Variants in GALNT18 observed in about 807,000 individuals in gnomAD.
GALNT18 encodes the protein polypeptide N-acetylgalactosaminyltransferase 18, also known as GalNAc-transferase 18.
GALNT18 carries 44 observed loss-of-function variants against 69.5 expected under a neutral mutation model. The ratio of observed to expected loss-of-function variants is 0.63; its 90% CI spans 0.50 to 0.81. The LOEUF (loss-of-function observed/expected upper bound fraction) is 0.81. GALNT18 is among the 40% of genes least tolerant of loss of function. The probability of loss-of-function intolerance (pLI) is 0.00; values close to 1 mark genes in which losing one functional copy is unlikely to be tolerated. For missense variants in GALNT18, 715 were observed against 810.0 expected (o/e 0.88, Z 1.42); for synonymous variants, 364 against 318.2 (o/e 1.14, Z -1.53).
chr11:11,301,609 T>C (rs1462968604), intron 9 of GALNT18, among the ~76,000 whole-genome samples: 1 of 152,240 alleles, frequency 6.6e-6, no homozygotes, highest in Non-Finnish European at 1.5e-5. Context: ...GGGCTTCCTC[T>C]GTGAACCCAT....
intron 9 of GALNT18, among the ~76,000 whole-genome samples, chr11:11,313,043 C>A (rs995045352): frequency 2.0e-5 from 3 of 152,056 alleles, no homozygotes; most frequent in African/African-American, 4.8e-5. Flanking sequence ...AGTAAGGACA[C>A]CTTAGATAGG....
chr11:11,425,577 G>A (rs1251508239), intron 3 of GALNT18, among the ~76,000 whole-genome samples: 2 of 152,180 alleles, frequency 1.3e-5, no homozygotes, highest in Non-Finnish European at 2.9e-5. Context: ...GAGGACAGGA[G>A]TTCAAAAAGG....
intron 1 of GALNT18, among the ~76,000 whole-genome samples, chr11:11,458,088 TG>T (rs1855962968): frequency 6.6e-6 from 1 of 152,270 alleles, no homozygotes; most frequent in East Asian, 1.9e-4. Context: ...CAGAGTGCAC[TG>T]GGGACCCCTT....
At chr11:11,610,936 T>C (rs1342304584) in intron 1 of GALNT18, among the ~76,000 whole-genome samples, 3 of 152,190 alleles carry the variant, frequency 2.0e-5, no homozygotes, top group Non-Finnish European at 4.4e-5. Flanking sequence ...CTTTGAGGCA[T>C]GAACCATATA....
chr11:11,521,767 C>A (rs1447373265), intron 1 of GALNT18, among the ~76,000 whole-genome samples: 1 of 152,106 alleles, frequency 6.6e-6, no homozygotes, highest in African/African-American at 2.4e-5. Context: ...GTGACTCAGG[C>A]GAGCCCACTC....
chr11:11,341,348 T>C lies in GALNT18; in HGVS notation c.1093-344A>G, dbSNP rs887540597. Reference sequence around the variant, plus strand: ...TTCTCCTTGCACTTGGGGGAGAAGTTAACAAAACCCTTGATGATAGTCTGC... The same window carrying C: ...TTCTCCTTGCACTTGGGGGAGAAGTCAACAAAACCCTTGATGATAGTCTGC... On this transcript the variant is annotated intron_variant, in intron 6 of 10. Transcript: ENST00000227756. This position sits in a 1 kb window ranked among gnomAD's most constrained non-coding sequence, Gnocchi z 6.3. Among the ~76,000 whole-genome samples, 1 of 152,084 alleles carries C rather than the reference T, an allele frequency of 6.6e-6. No homozygotes were observed. Among genetic ancestry groups the C allele is most frequent in the Non-Finnish European group, 1.5e-5 (1 of 68,022 alleles).
In GALNT18 at chr11:11,356,955, G is replaced by A. The variant is rs558007192; in HGVS notation, c.1092+15560C>T. Among the ~76,000 whole-genome samples the A allele has an allele frequency of 6.6e-6, 1 of 152,252 alleles. No individual in the cohort carries two copies. The highest frequency in any genetic ancestry group is 2.1e-4 in the South Asian group (1 of 4,808). ...TCAGCTGCTGGTTTGTAATTGCAAA[G>A]AGTCACTCCACGGCTGGCTGGTGTG... On this transcript the variant is annotated intron_variant, in intron 6 of 10. Transcript: ENST00000227756. The surrounding 1 kb of genome is among the most constrained non-coding windows in gnomAD (Gnocchi z 4.4).
rs953276333 is a variant in GALNT18, at chr11:11,290,979, C to T, written c.1677+2050G>A. On this transcript the variant is annotated intron_variant, in intron 10 of 10. Coordinates refer to ENST00000227756, the MANE Select transcript of GALNT18 (RefSeq NM_198516.3). ...CTACAAGCCTACTTTGCACCCAGCTCGACTTGAGAAACAACAGCCATCCTT... is the reference window on the plus strand; with the variant it reads ...CTACAAGCCTACTTTGCACCCAGCTTGACTTGAGAAACAACAGCCATCCTT... Among the ~76,000 whole-genome samples, 17 of 152,162 alleles carry T rather than the reference C, an allele frequency of 1.1e-4. 1 individual carries two copies. Among genetic ancestry groups the T allele is most frequent in the Admixed American group, 3.3e-4 (5 of 15,276 alleles).
rs1857444316 is a variant in GALNT18 at position 11,523,406 on chromosome 11, C to T, written c.236-74470G>A. On this transcript the variant is annotated intron_variant, in intron 1 of 10. Transcript: ENST00000227756. This position sits in a 1 kb window ranked among gnomAD's most constrained non-coding sequence, Gnocchi z 4.3. ...GTGCAGAGGTAACCGAGAGCTACCT[C>T]TAGAGGTCTTCAAACTCAAGAAGTC... 6.6e-6 allele frequency among the ~76,000 whole-genome samples: 1 copy of T among 152,098 alleles called. No individual in the cohort carries two copies. The highest frequency in any genetic ancestry group is 1.5e-5 in the Non-Finnish European group (1 of 68,034).
intron 1 of GALNT18, among the ~76,000 whole-genome samples, chr11:11,514,090 A>G (rs1857218001): frequency 6.6e-6 from 1 of 152,226 alleles, no homozygotes; most frequent in African/African-American, 2.4e-5. Flanking sequence ...GGGGCTTTCT[A>G]AAATACGCTC....
At chr11:11,306,357 T>C (rs1188575394) in intron 9 of GALNT18, among the ~76,000 whole-genome samples, 1 of 151,904 alleles carries the variant, frequency 6.6e-6, no homozygotes, top group East Asian at 1.9e-4. Flanking sequence ...AGTAATAAAA[T>C]ATGCAGGTTA....
rs147103109 is a variant in GALNT18, at chr11:11,461,933, C to G, written c.236-12997G>C. Among the ~76,000 whole-genome samples the G allele has an allele frequency of 5.3e-5, 8 of 152,328 alleles. No individual in the cohort carries two copies. The highest frequency in any genetic ancestry group is 5.2e-4 in the Admixed American group (8 of 15,296). ...TGTACCTTTCATCTGTAATATTACT[C>G]TATCATGTGCTCCCCTGTCTCAAAC... On this transcript the variant is annotated intron_variant, in intron 1 of 10. Coordinates refer to ENST00000227756, the MANE Select transcript of GALNT18 (RefSeq NM_198516.3). This position sits in a 1 kb window ranked among gnomAD's most constrained non-coding sequence, Gnocchi z 4.1.
chr11:11,401,606 A>C (rs150342002), intron 3 of GALNT18, among the ~76,000 whole-genome samples: 32 of 152,366 alleles, frequency 2.1e-4, no homozygotes, highest in African/African-American at 7.5e-4. Context: ...CTACTAGGGA[A>C]TAGCCCCTTC....
intron 1 of GALNT18, among the ~76,000 whole-genome samples, chr11:11,550,411 G>A (rs1461421880): frequency 6.6e-6 from 1 of 152,196 alleles, no homozygotes; most frequent in Non-Finnish European, 1.5e-5. Context: ...TCTGCAGTTG[G>A]GGAAACTTGG....
At chr11:11,450,622 G>A (rs887822884) in intron 1 of GALNT18, among the ~76,000 whole-genome samples, 1 of 152,214 alleles carries the variant, frequency 6.6e-6, no homozygotes, top group Non-Finnish European at 1.5e-5. Context: ...CTCACTGGGT[G>A]CACATGCATT....
intron 6 of GALNT18, among the ~76,000 whole-genome samples, chr11:11,345,687 G>A (rs1353201380): frequency 1.3e-5 from 2 of 152,204 alleles, no homozygotes; most frequent in Non-Finnish European, 2.9e-5. Context: ...GGGATGAAGT[G>A]TGGGTACAGG....
At chr11:11,531,769 T>A (rs1011677269) in intron 1 of GALNT18, among the ~76,000 whole-genome samples, 2 of 152,158 alleles carry the variant, frequency 1.3e-5, no homozygotes, top group Non-Finnish European at 2.9e-5. Context: ...CTGCTGTGAG[T>A]CTCTGGGTCT....
Position 11,377,059 on chromosome 11 carries a change from G to A in GALNT18, c.977+123C>T, listed in dbSNP as rs950600242. On this transcript the variant is annotated intron_variant, in intron 5 of 10. Transcript: ENST00000227756. This position sits in a 1 kb window ranked among gnomAD's most constrained non-coding sequence, Gnocchi z 4.6. ...TGAAGATCAGACTGCAGTTCCTTTC[G>A]ACCCTGCCCACCCCTGTCATCCCCA... 2.0e-5 allele frequency: 17 copies of A among 841,436 alleles called. No individual in the cohort carries two copies. Among genetic ancestry groups the A allele is most frequent in the African/African-American group, 8.5e-5 (5 of 59,076 alleles). 52.1% of individuals were successfully genotyped at this position (841,436 alleles called of 1,614,324 possible).
chr11:11,574,491 T>G (rs1276958737), intron 1 of GALNT18, among the ~76,000 whole-genome samples: 1 of 152,244 alleles, frequency 6.6e-6, no homozygotes, highest in Non-Finnish European at 1.5e-5. Context: ...CTATGCCACA[T>G]GATGTCCTAT....
Sources: allele counts gnomAD v4.1 joint callset (sites outside exome capture counted in the v4.1 genomes callset), GRCh38; gene constraint gnomAD v4.1.1; non-coding constraint Gnocchi (gnomAD v3.1); transcripts MANE v1.5; gene names NCBI Gene and HGNC (gene_info 2026-07-23, HGNC 2026-07-21).